OSBPL5: variants seen among roughly 807,000 people sequenced by gnomAD.
The protein encoded by OSBPL5 is oxysterol-binding protein-related protein 5.
In OSBPL5, 71 loss-of-function variants were observed where a neutral mutation model predicts 111.2. The observed-to-expected ratio is 0.64, with a 90% CI of 0.53 to 0.78. OSBPL5 has a LOEUF of 0.78. Ranked by LOEUF, OSBPL5 falls within the 30% of genes least tolerant of loss-of-function variation. The pLI is 0.00. For synonymous variants in OSBPL5, 549 were observed against 513.9 expected (o/e 1.07, Z -0.93); for missense variants, 1,210 against 1,189.3 (o/e 1.02, Z -0.26).
chr11:3,103,860 G>GTACCCGCTTC (rs1212254020), intron 10 of OSBPL5, among the ~76,000 whole-genome samples: 1 of 41,270 alleles, frequency 2.4e-5, no homozygotes, highest in African/African-American at 7.0e-5. Context: ...TCCAGTCTGC[G>GTACCCGCTTC]CAGCCCCCTT....
chr11:3,090,861 G>A (rs1197978139), intron 19 of OSBPL5, 165 bp from the exon 20 acceptor site: 17 of 866,962 alleles, frequency 2.0e-5, no homozygotes, highest in African/African-American at 6.8e-5. Flanking sequence ...TCTCAGCCCC[G>A]GCATGGCCTG....
intron 3 of OSBPL5, among the ~76,000 whole-genome samples, chr11:3,123,018 G>A (rs1429470761): frequency 6.6e-6 from 1 of 152,188 alleles, no homozygotes; most frequent in Non-Finnish European, 1.5e-5. Context: ...GCCCAGCTCT[G>A]GGCAGGGCCA....
chr11:3,101,847 C>T, intron 12 of OSBPL5, 148 bp from the exon 13 acceptor site: 1 of 713,456 alleles, frequency 1.4e-6, no homozygotes, highest in Non-Finnish European at 2.3e-6. Context: ...GCCTTCCTGG[C>T]TCTCGCTTAC....
intron 1 of OSBPL5, among the ~76,000 whole-genome samples, chr11:3,147,343 C>T (rs935574312): frequency 3.3e-5 from 5 of 152,216 alleles, no homozygotes; most frequent in African/African-American, 9.6e-5. Context: ...GGCCTGGGCA[C>T]GGCTCCTGCC....
intron 1 of OSBPL5, among the ~76,000 whole-genome samples, chr11:3,151,197 C>T (rs2134542090): frequency 6.6e-6 from 1 of 152,294 alleles, no homozygotes; most frequent in East Asian, 1.9e-4. Flanking sequence ...AGGAAGAATC[C>T]TCCCCCAGAG....
rs890230400 is a variant in OSBPL5 at position 3,161,883 on chromosome 11, G to C, written c.-22+3333C>G. Among the ~76,000 whole-genome samples the C allele has an allele frequency of 6.6e-6, 1 of 152,126 alleles. No individual in the cohort carries two copies. The highest frequency in any genetic ancestry group is 1.9e-4 in the East Asian group (1 of 5,176). Reference sequence around the variant, plus strand: ...GGAGCCCACCAAATGCAGATCCAAGGAGGGGCCGAAAGCAGAGGCACAGGC... The same window carrying C: ...GGAGCCCACCAAATGCAGATCCAAGCAGGGGCCGAAAGCAGAGGCACAGGC... On this transcript the variant is annotated intron_variant, in intron 1 of 21. Transcript: ENST00000263650. The surrounding 1 kb of genome is among the most constrained non-coding windows in gnomAD (Gnocchi z 8.0).
rs370423999 is a variant in OSBPL5 at position 3,129,120 on chromosome 11, C to T, written c.29G>A (p.Arg10His). Reference sequence around the variant, plus strand: ...GGAGGAAGGTGGACACAGGGAGAAGCGGCGCCGGAGGAAGGCCTCCTCCTT... The same window carrying T: ...GGAGGAAGGTGGACACAGGGAGAAGTGGCGCCGGAGGAAGGCCTCCTCCTT... MKEEAFLRR[R>H]FSLCPPSSTP... Residue 10 changes from arginine (R) to histidine (H), a missense_variant, in exon 2 of 22, where the codon CGC becomes CAC. By Grantham distance (29) the Arg-to-His change is conservative (BLOSUM62 0). Transcript: ENST00000263650. The T allele has an allele frequency of 5.3e-6, 8 of 1,498,278 alleles. No individual in the cohort carries two copies. Among genetic ancestry groups the T allele is most frequent in the Middle Eastern group, 1.8e-4 (1 of 5,464 alleles). 92.8% of individuals were successfully genotyped at this position (1,498,278 alleles called of 1,614,324 possible). A position where few individuals can be genotyped will look rare whatever the true frequency, so the allele number is the denominator to read the frequency against.
chr11:3,126,727 G>A lies in OSBPL5; in HGVS notation c.137-172C>T, dbSNP rs542463456. On this transcript the variant is annotated intron_variant, in intron 2 of 21. Transcript: ENST00000263650. The surrounding 1 kb of genome is among the most constrained non-coding windows in gnomAD (Gnocchi z 6.5). Reference sequence around the variant, plus strand: ...ACACTGCCTGAGAGGTGTAATAAACGCCAGCAAGCGTCACTGTGGGAGGAG... The same window carrying A: ...ACACTGCCTGAGAGGTGTAATAAACACCAGCAAGCGTCACTGTGGGAGGAG... 9.7e-6 allele frequency: 5 copies of A among 514,588 alleles called. No individual in the cohort carries two copies. The highest frequency in any genetic ancestry group is 2.0e-5 in the African/African-American group (1 of 51,020). 31.9% of individuals were successfully genotyped at this position (514,588 alleles called of 1,614,324 possible). A position where few individuals can be genotyped will look rare whatever the true frequency, so the allele number is the denominator to read the frequency against.
rs762949796 is a variant in OSBPL5 at position 3,107,473 on chromosome 11, C to T, written c.867-18G>A. 2 of 1,612,886 alleles carry T rather than the reference C, an allele frequency of 1.2e-6. No individual in the cohort carries two copies. Among genetic ancestry groups the T allele is most frequent in the Non-Finnish European group, 1.7e-6 (2 of 1,179,184 alleles). ...CGTTCAGTCTGGAAGGTGGATGGTG[C>T]CAGTGGGTCCCTGTCACAGGTGAGA... On this transcript the variant is annotated intron_variant, in intron 8 of 21. Coordinates refer to ENST00000263650, the MANE Select transcript of OSBPL5 (RefSeq NM_020896.4). The surrounding 1 kb of genome is among the most constrained non-coding windows in gnomAD (Gnocchi z 6.1).
At chr11:3,112,972 T>C (rs1240871766) in intron 7 of OSBPL5, among the ~76,000 whole-genome samples, 1 of 152,214 alleles carries the variant, frequency 6.6e-6, no homozygotes, top group Non-Finnish European at 1.5e-5. Flanking sequence ...AAAATTTTTA[T>C]AAACCTATGA....
chr11:3,104,485 G>T lies in OSBPL5; in HGVS notation c.1060-108C>A. The stretch of plus-strand genomic sequence containing the variant: ...GGAGGCTGTACCTGCCACCCCTTAG[G>T]GTGTAAACCCCTGACCTGGCCTCCA... On this transcript the variant is annotated intron_variant, in intron 9 of 21. Coordinates refer to ENST00000263650, the MANE Select transcript of OSBPL5 (RefSeq NM_020896.4). The surrounding 1 kb of genome is among the most constrained non-coding windows in gnomAD (Gnocchi z 5.0). The T allele has an allele frequency of 7.9e-7, 1 of 1,270,388 alleles. No individual in the cohort carries two copies. Among genetic ancestry groups the T allele is most frequent in the Non-Finnish European group, 1.1e-6 (1 of 934,068 alleles). 78.7% of individuals were successfully genotyped at this position (1,270,388 alleles called of 1,614,324 possible). A position where few individuals can be genotyped will look rare whatever the true frequency, so the allele number is the denominator to read the frequency against.
At position 3,120,451 on chromosome 11, in the gene OSBPL5, G is replaced by A; in HGVS notation, c.576C>T (p.His192=). The part of the protein sequence containing the change: ...KKDGFCFKLF[H]PLDQSVWAVK... ...CGGCCCAGACGGACTGATCCAGCGGGTGGAAGAGCTTGAAGCAGAAGCCGT... is the reference window on the plus strand; with the variant it reads ...CGGCCCAGACGGACTGATCCAGCGGATGGAAGAGCTTGAAGCAGAAGCCGT... The change falls in exon 6 of 22, where the codon CAC becomes CAT. Residue 192 remains histidine (H), a synonymous_variant. Transcript: ENST00000263650. The A allele has an allele frequency of 6.2e-7, 1 of 1,613,318 alleles. No individual in the cohort carries two copies. Among genetic ancestry groups the A allele is most frequent in the Non-Finnish European group, 8.5e-7 (1 of 1,180,024 alleles).
Position 3,100,155 on chromosome 11 carries a change from C to G in OSBPL5, c.1621+3G>C. On this transcript the variant is annotated splice_donor_region_variant and intron_variant, in intron 14 of 21. Transcript: ENST00000263650. ...CCTCGGAGTGTGTGGCTGAGCCTCT[C>G]ACCTTTGCAGTGGGCGTAGGGCATG... 1 of 1,613,910 alleles carries G rather than the reference C, an allele frequency of 6.2e-7. No individual in the cohort carries two copies. Among genetic ancestry groups the G allele is most frequent in the Non-Finnish European group, 8.5e-7 (1 of 1,179,874 alleles).
chr11:3,101,571 G>A, intron 13 of OSBPL5, 32 bp downstream of exon 13: 1 of 1,576,920 alleles, frequency 6.3e-7, no homozygotes, highest in Non-Finnish European at 8.7e-7. Flanking sequence ...TTTCCCTGAG[G>A]CCCCAGGGAG....
chr11:3,125,543 C>T lies in OSBPL5; in HGVS notation c.219+930G>A, dbSNP rs1051427594. 7.2e-5 allele frequency among the ~76,000 whole-genome samples: 11 copies of T among 152,320 alleles called. No homozygotes were observed. The East Asian group carries it at 1.2e-3, about 16-fold the overall frequency. ...AAATAACACAAAAAAGAACAAATCA[C>T]GCCTGTAATCCCAGCACTTTGGGAG... is the stretch of plus-strand genomic sequence containing the variant. On this transcript the variant is annotated intron_variant, in intron 3 of 21. Coordinates refer to ENST00000263650, the MANE Select transcript of OSBPL5 (RefSeq NM_020896.4).
intron 1 of OSBPL5, among the ~76,000 whole-genome samples, chr11:3,131,473 C>G (rs1858829064): frequency 6.7e-6 from 1 of 150,138 alleles, no homozygotes; most frequent in African/African-American, 2.5e-5. Flanking sequence ...TCCACCCATT[C>G]GTCCATCCAT....
At chr11:3,131,839 A>G (rs1438793326) in intron 1 of OSBPL5, among the ~76,000 whole-genome samples, 9 of 142,070 alleles carry the variant, frequency 6.3e-5, no homozygotes, top group East Asian at 2.1e-4. Flanking sequence ...CCACTCATCT[A>G]TCCATCCACC....
intron 10 of OSBPL5, among the ~76,000 whole-genome samples, chr11:3,103,678 G>GCC (rs1857535208): frequency 2.2e-5 from 3 of 134,628 alleles, no homozygotes. Context: ...CCCCCTTCCA[G>GCC]TCTCTGCAGC....
Position 3,146,949 on chromosome 11 carries a change from G to A in OSBPL5, c.-21-17780C>T, listed in dbSNP as rs1564861257. Among the ~76,000 whole-genome samples the A allele has an allele frequency of 6.6e-6, 1 of 152,270 alleles. No homozygotes were observed. The highest frequency in any genetic ancestry group is 1.9e-4 in the East Asian group (1 of 5,186). On this transcript the variant is annotated intron_variant, in intron 1 of 21. Coordinates refer to ENST00000263650, the MANE Select transcript of OSBPL5 (RefSeq NM_020896.4). This position sits in a 1 kb window ranked among gnomAD's most constrained non-coding sequence, Gnocchi z 7.8. ...GGGATTTTAGAGGTGGCTCAGCTGA[G>A]GGCACGGGGGCCTTGGCAGCTGTCA...
Sources: allele counts gnomAD v4.1 joint callset (sites outside exome capture counted in the v4.1 genomes callset), GRCh38; gene constraint gnomAD v4.1.1; non-coding constraint Gnocchi (gnomAD v3.1); transcripts MANE v1.5; gene names NCBI Gene and HGNC (gene_info 2026-07-23, HGNC 2026-07-21).